The following ABLIM1 variants were observed in gnomAD, a reference collection of about 807,000 sequenced individuals.
The protein encoded by ABLIM1 is actin-binding LIM protein 1.
In ABLIM1, 40 loss-of-function variants were observed where a neutral mutation model predicts 107.0. The observed-to-expected ratio is 0.37, with a 90% CI of 0.29 to 0.49. The LOEUF is 0.49. Ranked by LOEUF, ABLIM1 falls within the 20% of genes least tolerant of loss-of-function variation. The probability of loss-of-function intolerance (pLI) is 0.97; values close to 1 mark genes in which losing one functional copy is unlikely to be tolerated. For synonymous variants in ABLIM1, 357 were observed against 357.3 expected (o/e 1.00, Z 0.01); for missense variants, 857 against 1,008.5 (o/e 0.85, Z 2.04).
rs77699529 is a variant in ABLIM1 at position 114,516,045 on chromosome 10, C to T, written c.895-24167G>A. 1.7e-3 allele frequency among the ~76,000 whole-genome samples: 262 copies of T among 152,116 alleles called. 2 individuals are homozygous for T. Among genetic ancestry groups the T allele is most frequent in the East Asian group, 1.7e-3 (9 of 5,182 alleles). On this transcript the variant is annotated intron_variant, in intron 6 of 22. Coordinates refer to ENST00000533213, the MANE Select transcript of ABLIM1 (RefSeq NM_002313.7). ...AGCTGGTTTGAGGTGAGTTTCTGTCCCTTGCGACCAAAGCCATTGTCTAAG... is the reference window on the plus strand; with the variant it reads ...AGCTGGTTTGAGGTGAGTTTCTGTCTCTTGCGACCAAAGCCATTGTCTAAG...
At chr10:114,764,502 C>T (rs1228816898) in intron 1 of ABLIM1, among the ~76,000 whole-genome samples, 13 of 152,090 alleles carry the variant, frequency 8.5e-5, no homozygotes, top group African/African-American at 2.9e-4. Flanking sequence ...CCACCATGCC[C>T]GGCTAATTTT....
upstream of ABLIM1, among the ~76,000 whole-genome samples, chr10:114,663,007 C>T (rs1405921705): frequency 6.6e-6 from 1 of 152,206 alleles, no homozygotes; most frequent in African/African-American, 2.4e-5. Flanking sequence ...CATGAATCTC[C>T]TCCGTAGAAT....
intron 4 of ABLIM1, among the ~76,000 whole-genome samples, chr10:114,555,431 T>TTGAACCCAGGC (rs1279348100): frequency 6.6e-6 from 1 of 152,194 alleles, no homozygotes; most frequent in African/African-American, 2.4e-5. Context: ...TCAAATGCCC[T>TTGAACCCAGGC]TGAACCCAGG....
Position 114,433,064 on chromosome 10 carries a change from T to C in ABLIM1, c.*3196A>G, listed in dbSNP as rs2059018721. ...CATCATTGAGGCCCCTTTTACTTCA[T>C]GCCATCATTATGCACTTAAGAGTCC... On this transcript the variant is annotated 3_prime_UTR_variant, in exon 23 of 23. Transcript: ENST00000533213. 1 of 152,206 alleles carries C rather than the reference T, an allele frequency of 6.6e-6. No homozygotes were observed. Among genetic ancestry groups the C allele is most frequent in the African/African-American group, 2.4e-5 (1 of 41,458 alleles). 9.4% of individuals were successfully genotyped at this position (152,206 alleles called of 1,614,324 possible).
chr10:114,592,237 T>C (rs1030451377), intron 2 of ABLIM1, among the ~76,000 whole-genome samples: 2 of 152,150 alleles, frequency 1.3e-5, no homozygotes, highest in African/African-American at 4.8e-5. Context: ...ATAAGTGACA[T>C]TTGAGAAGAA....
chr10:114,633,866 G>C (rs1401185472), intron 1 of ABLIM1, among the ~76,000 whole-genome samples: 1 of 152,098 alleles, frequency 6.6e-6, no homozygotes, highest in Non-Finnish European at 1.5e-5. Context: ...TGTGAGCCTA[G>C]CAGGTGAATC....
intron 4 of ABLIM1, among the ~76,000 whole-genome samples, chr10:114,566,862 A>G (rs1436401364): frequency 6.6e-6 from 1 of 152,324 alleles, no homozygotes; most frequent in Admixed American, 6.5e-5. Flanking sequence ...CAGCCTGGCC[A>G]ACGTGGTGAA....
intron 8 of ABLIM1, among the ~76,000 whole-genome samples, chr10:114,484,255 G>A (rs2057837193): frequency 6.6e-6 from 1 of 152,160 alleles, no homozygotes; most frequent in Admixed American, 6.5e-5. Context: ...CTCCCCATCT[G>A]TAAAATGGGA....
At chr10:114,599,403 C>T (rs1232213271) in intron 2 of ABLIM1, among the ~76,000 whole-genome samples, 2 of 152,180 alleles carry the variant, frequency 1.3e-5, no homozygotes, top group South Asian at 2.1e-4. Context: ...AATGTCTCTT[C>T]AAATACCGTG....
At chr10:114,497,123 G>C (rs1039740516) in intron 6 of ABLIM1, among the ~76,000 whole-genome samples, 1 of 152,330 alleles carries the variant, frequency 6.6e-6, no homozygotes, top group African/African-American at 2.4e-5. Context: ...ACTAAATAGC[G>C]CTCATATAAG....
chr10:114,578,728 C>T (rs1400353483), intron 2 of ABLIM1, among the ~76,000 whole-genome samples: 1 of 151,558 alleles, frequency 6.6e-6, no homozygotes, highest in Non-Finnish European at 1.5e-5. Flanking sequence ...TTCAACTGGA[C>T]CCAAATCCAA....
chr10:114,792,217 AG>A, the ABLIM1 span, among the ~76,000 whole-genome samples: 1 of 152,166 alleles, frequency 6.6e-6, no homozygotes, highest in African/African-American at 2.4e-5. Flanking sequence ...ACTATTTAGG[AG>A]GCTGAGGTGG....
intron 4 of ABLIM1, among the ~76,000 whole-genome samples, chr10:114,553,482 G>A (rs763306792): frequency 6.6e-6 from 1 of 152,200 alleles, no homozygotes; most frequent in Non-Finnish European, 1.5e-5. Flanking sequence ...TCTGCCTGAT[G>A]ACTATCAACC....
chr10:114,747,260 A>G (rs1433346317), intron 1 of ABLIM1, among the ~76,000 whole-genome samples: 2 of 152,212 alleles, frequency 1.3e-5, no homozygotes, highest in Non-Finnish European at 2.9e-5. Flanking sequence ...TGGGCCATCC[A>G]GGCCATGAAG....
At chr10:114,664,954 T>C (rs1200250149) in intron 1 of ABLIM1, among the ~76,000 whole-genome samples, 1 of 151,586 alleles carries the variant, frequency 6.6e-6, no homozygotes. Flanking sequence ...CCATCTCTAC[T>C]AAAAATACAA....
intron 12 of ABLIM1, among the ~76,000 whole-genome samples, chr10:114,458,610 G>A (rs2063280764): frequency 6.6e-6 from 1 of 152,106 alleles, no homozygotes; most frequent in African/African-American, 2.4e-5. Context: ...TAAGATTGCC[G>A]GTTCTTGTCT....
At chr10:114,747,360 A>G (rs967529477) in intron 1 of ABLIM1, among the ~76,000 whole-genome samples, 2 of 152,174 alleles carry the variant, frequency 1.3e-5, no homozygotes, top group African/African-American at 4.8e-5. Flanking sequence ...CCAGGCAGCC[A>G]TGGCCAAGCT....
chr10:114,632,024 G>A (rs539883097), intron 1 of ABLIM1: 2 of 1,280,860 alleles, frequency 1.6e-6, no homozygotes, highest in South Asian at 1.3e-5. Context: ...GGGCAGCCAG[G>A]AGAAGCCCCG....
chr10:114,679,947 G>A (rs986738777), intron 1 of ABLIM1, among the ~76,000 whole-genome samples: 5 of 152,146 alleles, frequency 3.3e-5, no homozygotes, highest in Non-Finnish European at 5.9e-5. Flanking sequence ...TTTGGGCAGC[G>A]GTCAAAGGGA....
Sources: gnomAD v4.1 joint callset for allele counts (sites outside exome capture counted in the v4.1 genomes callset) on GRCh38, gnomAD v4.1.1 for gene constraint, MANE v1.5 for transcripts, NCBI Gene and HGNC (gene_info 2026-07-23, HGNC 2026-07-21) for gene names.